The following TMPRSS11A variants were observed in gnomAD, a reference collection of about 807,000 sequenced individuals.
TMPRSS11A encodes transmembrane serine protease 11A.
Under a neutral mutation model 58.9 loss-of-function variants are expected in TMPRSS11A, and 53 were observed. That is an observed-to-expected ratio of 0.90 (90% CI 0.72 to 1.13). The LOEUF (loss-of-function observed/expected upper bound fraction) is 1.13, where lower values mean the gene tolerates loss of function less well. TMPRSS11A is among the 50% of genes most tolerant of loss of function. The pLI is 0.00. For synonymous variants in TMPRSS11A, 167 were observed against 169.8 expected, an observed-to-expected ratio of 0.98 and a Z score of 0.13; for missense variants, 493 against 499.3, an observed-to-expected ratio of 0.99 and a Z score of 0.12.
At chr4:67,954,179 G>C (rs1433665457) in intron 1 of TMPRSS11A, among the ~76,000 whole-genome samples, 1 of 152,218 alleles carries the variant, frequency 6.6e-6, no homozygotes, top group African/African-American at 2.4e-5. Flanking sequence ...CCCAGGGACA[G>C]AAATTAAGCA....
chr4:67,913,462 T>C (rs544165271), intron 9 of TMPRSS11A, among the ~76,000 whole-genome samples: 2 of 152,274 alleles, frequency 1.3e-5, no homozygotes, highest in African/African-American at 2.4e-5. Flanking sequence ...TAAAGCCTTG[T>C]TTTATCACTT....
At chr4:67,949,120 G>A (rs1181617871) in intron 1 of TMPRSS11A, among the ~76,000 whole-genome samples, 1 of 152,010 alleles carries the variant, frequency 6.6e-6, no homozygotes, top group African/African-American at 2.4e-5. Context: ...AAAACTCAAG[G>A]AAATTTATAA....
chr4:67,911,937 AG>A (rs1265899649), intron 9 of TMPRSS11A, among the ~76,000 whole-genome samples: 1 of 152,210 alleles, frequency 6.6e-6, no homozygotes, highest in East Asian at 1.9e-4. Context: ...TTACGTAGTT[AG>A]GGATTTAGTT....
At chr4:67,942,644 C>T (rs1720907150) in intron 3 of TMPRSS11A, among the ~76,000 whole-genome samples, 1 of 152,174 alleles carries the variant, frequency 6.6e-6, no homozygotes, top group Admixed American at 6.5e-5. Flanking sequence ...GGCGTGCACA[C>T]TGAGTCAGCC....
At chr4:67,963,337 A>G (rs1355120912) in intron 1 of TMPRSS11A, 46 bp downstream of exon 1, 2 of 1,609,148 alleles carry the variant, frequency 1.2e-6, no homozygotes, top group African/African-American at 2.7e-5. Flanking sequence ...GGCCACTGAC[A>G]GACAGTACAT....
chr4:67,920,812 C>T (rs1434491434), intron 7 of TMPRSS11A, among the ~76,000 whole-genome samples: 3 of 151,862 alleles, frequency 2.0e-5, no homozygotes, highest in Non-Finnish European at 4.4e-5. Flanking sequence ...TAGAATCAAC[C>T]TAAATGCCCA....
intron 1 of TMPRSS11A, among the ~76,000 whole-genome samples, chr4:67,960,469 A>G: frequency 6.6e-6 from 1 of 152,176 alleles, no homozygotes; most frequent in Admixed American, 6.6e-5. Context: ...CACCTATAAA[A>G]TGGAGATAAT....
At chr4:67,933,734 A>T (rs780657450) in intron 3 of TMPRSS11A, among the ~76,000 whole-genome samples, 1 of 152,192 alleles carries the variant, frequency 6.6e-6, no homozygotes, top group Non-Finnish European at 1.5e-5. Flanking sequence ...AGCCAGCTCT[A>T]CTACTCAGTA....
At chr4:67,935,340 C>T (rs940173529) in intron 3 of TMPRSS11A, among the ~76,000 whole-genome samples, 4 of 152,202 alleles carry the variant, frequency 2.6e-5, no homozygotes, top group African/African-American at 9.6e-5. Context: ...TGGTCTGTAA[C>T]AACCTTCTCA....
intron 5 of TMPRSS11A, among the ~76,000 whole-genome samples, chr4:67,927,456 T>C (rs1214965246): frequency 6.6e-6 from 1 of 152,232 alleles, no homozygotes; most frequent in Admixed American, 6.5e-5. Context: ...TGCCTGGAGC[T>C]GCCCGTCATG....
intron 2 of TMPRSS11A, 146 bp downstream of exon 2, chr4:67,946,304 T>C (rs1013437269): frequency 1.1e-5 from 8 of 720,938 alleles, no homozygotes; most frequent in South Asian, 8.8e-5. Context: ...TGTTTGTTGA[T>C]GAAATGACTG....
intron 5 of TMPRSS11A, among the ~76,000 whole-genome samples, chr4:67,924,447 C>A (rs1720413253): frequency 6.6e-6 from 1 of 152,186 alleles, no homozygotes. Context: ...TAATAGAGAA[C>A]TATGGTTTTC....
At chr4:67,962,161 G>A (rs1721447026) in intron 1 of TMPRSS11A, among the ~76,000 whole-genome samples, 1 of 151,944 alleles carries the variant, frequency 6.6e-6, no homozygotes, top group South Asian at 2.1e-4. Context: ...ACATCTGCTT[G>A]CCCATTCATT....
intron 5 of TMPRSS11A, among the ~76,000 whole-genome samples, chr4:67,927,625 C>T (rs984924018): frequency 6.6e-6 from 1 of 152,202 alleles, no homozygotes; most frequent in Non-Finnish European, 1.5e-5. Flanking sequence ...AGAACAAGCC[C>T]AGTGGGCCAG....
intron 9 of TMPRSS11A, 29 bp from the exon 10 acceptor site, chr4:67,911,532 A>G: frequency 6.3e-7 from 1 of 1,577,468 alleles, no homozygotes; most frequent in Non-Finnish European, 8.6e-7. Context: ...GAAAAAAGAA[A>G]GAAAATTAGC....
intron 3 of TMPRSS11A, among the ~76,000 whole-genome samples, chr4:67,934,608 C>A (rs1261233247): frequency 6.6e-6 from 1 of 152,118 alleles, no homozygotes. Flanking sequence ...GAACAAAAGA[C>A]CCTCTTTCAG....
chr4:67,941,344 G>C (rs1172897513), intron 3 of TMPRSS11A, among the ~76,000 whole-genome samples: 1 of 152,166 alleles, frequency 6.6e-6, no homozygotes, highest in African/African-American at 2.4e-5. Flanking sequence ...CTAACCTGGT[G>C]CGGGATGGGA....
chr4:67,929,257 G>T (rs1017944945), intron 5 of TMPRSS11A, among the ~76,000 whole-genome samples: 4 of 152,084 alleles, frequency 2.6e-5, no homozygotes, highest in Non-Finnish European at 5.9e-5. Flanking sequence ...CCTTGATAAA[G>T]GTTTGTTCTC....
chr4:67,914,921 A>G (rs1400731182), intron 8 of TMPRSS11A, among the ~76,000 whole-genome samples, 191 bp from the exon 9 acceptor site: 3 of 152,168 alleles, frequency 2.0e-5, no homozygotes, highest in African/African-American at 7.2e-5. Context: ...GTCCAATCAC[A>G]TTTTTATAAA....
Sources: allele counts gnomAD v4.1 joint callset (sites outside exome capture counted in the v4.1 genomes callset), GRCh38; gene constraint gnomAD v4.1.1; transcripts MANE v1.5; gene names NCBI Gene and HGNC (gene_info 2026-07-23, HGNC 2026-07-21).